Variants in NTNG2 observed in about 807,000 individuals in gnomAD.
NTNG2 encodes the protein netrin-G2.
A neutral mutation model predicts 47.6 loss-of-function variants in NTNG2; 15 were observed. The ratio of observed to expected loss-of-function variants is 0.32; its 90% CI spans 0.21 to 0.49. NTNG2 has a LOEUF of 0.49. NTNG2 is among the 20% of genes least tolerant of loss of function. The pLI is 0.99. For missense variants in NTNG2, 578 were observed against 764.6 expected (o/e 0.76, Z 2.88); for synonymous variants, 307 against 324.6 (o/e 0.95, Z 0.58).
chr9:132,181,005 G>A (rs1017797692), intron 2 of NTNG2, among the ~76,000 whole-genome samples: 1 of 152,224 alleles, frequency 6.6e-6, no homozygotes, highest in African/African-American at 2.4e-5. Context: ...GCCTGAGCAG[G>A]TTCTGCCTTC....
In NTNG2 at chr9:132,198,618, G is replaced by T. The variant is rs776554771; in HGVS notation, c.857+9G>T. On this transcript the variant is annotated intron_variant, in intron 3 of 7. Transcript: ENST00000393229. ...ATCGAGGTCATCGGCAGGTAAGGCCGGGGGAAGCCCTGGATGTCACCTGCA... is the reference window on the plus strand; with the variant it reads ...ATCGAGGTCATCGGCAGGTAAGGCCTGGGGAAGCCCTGGATGTCACCTGCA... The T allele has an allele frequency of 6.2e-7, 1 of 1,601,192 alleles. No homozygotes were observed. The highest frequency in any genetic ancestry group is 8.5e-7 in the Non-Finnish European group (1 of 1,171,248).
At chr9:132,199,673 T>C (rs1176540289) in intron 3 of NTNG2, among the ~76,000 whole-genome samples, 1 of 151,952 alleles carries the variant, frequency 6.6e-6, no homozygotes, top group Non-Finnish European at 1.5e-5. Context: ...ATAGGCTCTC[T>C]GATGTGGCCC....
At chr9:132,207,739 C>A (rs1407359524) in intron 3 of NTNG2, among the ~76,000 whole-genome samples, 1 of 152,212 alleles carries the variant, frequency 6.6e-6, no homozygotes, top group African/African-American at 2.4e-5. Flanking sequence ...GGGGCTGACG[C>A]TCCCGTAGTG....
chr9:132,178,503 G>A (rs750397705), intron 2 of NTNG2, among the ~76,000 whole-genome samples: 2 of 152,068 alleles, frequency 1.3e-5, no homozygotes, highest in South Asian at 2.1e-4. Flanking sequence ...CCCCAATGTC[G>A]ATAAGCATGT....
chr9:132,209,791 G>A (rs943713736), intron 3 of NTNG2, among the ~76,000 whole-genome samples: 3 of 151,970 alleles, frequency 2.0e-5, no homozygotes, highest in Non-Finnish European at 4.4e-5. Context: ...AAGGGGAGCA[G>A]AGAGATGGGG....
At chr9:132,213,670 A>G (rs1173345179) in intron 3 of NTNG2, among the ~76,000 whole-genome samples, 3 of 149,236 alleles carry the variant, frequency 2.0e-5, no homozygotes, top group Non-Finnish European at 3.0e-5. Context: ...TATTTTGCCC[A>G]TAACCCAGAG....
chr9:132,186,743 C>T (rs1589410641), intron 2 of NTNG2, among the ~76,000 whole-genome samples: 3 of 152,238 alleles, frequency 2.0e-5, no homozygotes, highest in Non-Finnish European at 4.4e-5. Context: ...CAAAGCGGAG[C>T]GAAGCCCGCG....
chr9:132,216,510 G>A (rs555824041), intron 3 of NTNG2, among the ~76,000 whole-genome samples: 3 of 151,192 alleles, frequency 2.0e-5, no homozygotes, highest in South Asian at 4.2e-4. Context: ...AGCTAAAGCC[G>A]TAGGATTCTG....
intron 5 of NTNG2, among the ~76,000 whole-genome samples, chr9:132,234,132 A>T (rs1490022449): frequency 7.9e-5 from 12 of 151,332 alleles, no homozygotes; most frequent in Non-Finnish European, 1.3e-4. Context: ...AGGTTCAAGC[A>T]ATTCTCCTGC....
At chr9:132,168,641 C>T (rs1180000077) in intron 2 of NTNG2, among the ~76,000 whole-genome samples, 1 of 152,094 alleles carries the variant, frequency 6.6e-6, no homozygotes, top group Non-Finnish European at 1.5e-5. Flanking sequence ...CCGGGGACCG[C>T]AGGGCCAAGC....
At chr9:132,164,181 C>T (rs1302964547) in intron 1 of NTNG2, among the ~76,000 whole-genome samples, 3 of 152,242 alleles carry the variant, frequency 2.0e-5, no homozygotes, top group Admixed American at 1.3e-4. Context: ...GTTGTAAACA[C>T]ATTTTTCCCC....
Position 132,163,291 on chromosome 9 carries a change from CCCGCGGCCCG to C in NTNG2, c.-484+1056_-484+1065del, listed in dbSNP as rs1232253034. Among the ~76,000 whole-genome samples the C allele has an allele frequency of 6.6e-6, 1 of 151,946 alleles. No individual in the cohort carries two copies. The highest frequency in any genetic ancestry group is 1.5e-5 in the Non-Finnish European group (1 of 67,926). ...GACCCTGGCCCCGGCCTCGACCCCG[CCCGCGGCCCG>C]CCGGGACCCACCCGGGAGCTGCTGC... On this transcript the variant is annotated intron_variant, in intron 1 of 7. Coordinates refer to ENST00000393229, the MANE Select transcript of NTNG2 (RefSeq NM_032536.4). The surrounding 1 kb of genome is among the most constrained non-coding windows in gnomAD (Gnocchi z 7.2).
intron 2 of NTNG2, among the ~76,000 whole-genome samples, chr9:132,188,623 A>C (rs998117308): frequency 2.0e-5 from 3 of 152,196 alleles, no homozygotes; most frequent in African/African-American, 7.2e-5. Context: ...GCCGAGGTGG[A>C]AGACATGCTC....
chr9:132,187,578 AGAGAG>A (rs1837496899), intron 2 of NTNG2, among the ~76,000 whole-genome samples: 1 of 143,220 alleles, frequency 7.0e-6, no homozygotes, highest in African/African-American at 2.5e-5. Context: ...CAAGAGAGAG[AGAGAG>A]AGAGAGAGAG....
At chr9:132,186,381 TG>T (rs1174959213) in intron 2 of NTNG2, among the ~76,000 whole-genome samples, 1 of 152,198 alleles carries the variant, frequency 6.6e-6, no homozygotes, top group Non-Finnish European at 1.5e-5. Flanking sequence ...AAGCAGAATG[TG>T]TCCTTTAAGA....
chr9:132,196,333 G>A (rs1280058212), intron 2 of NTNG2, among the ~76,000 whole-genome samples: 2 of 152,216 alleles, frequency 1.3e-5, no homozygotes, highest in Non-Finnish European at 2.9e-5. Flanking sequence ...TGGGATTACA[G>A]GCATGCACCA....
intron 3 of NTNG2, among the ~76,000 whole-genome samples, chr9:132,205,187 G>C (rs549519949): frequency 6.6e-6 from 1 of 152,284 alleles, no homozygotes; most frequent in East Asian, 1.9e-4. Context: ...TTTATTCAGA[G>C]TAGTCAAAAG....
At position 132,230,228 on chromosome 9, in the gene NTNG2, TAAG is replaced by T. The variant is rs915671635; in HGVS notation, c.1031-342_1031-340del. On this transcript the variant is annotated intron_variant, in intron 4 of 7. Transcript: ENST00000393229. Reference sequence around the variant, plus strand: ...CACTGGAGGGCCCAAAAATCTGAAATAAGAGGAGGAGTGCGTGTGAAGCTCCCA... The same window carrying T: ...CACTGGAGGGCCCAAAAATCTGAAATAGGAGGAGTGCGTGTGAAGCTCCCA... Among the ~76,000 whole-genome samples the T allele has an allele frequency of 9.9e-5, 15 of 152,256 alleles. No individual in the cohort carries two copies. In the East Asian group the frequency reaches 1.2e-3, roughly 12 times the overall value.
At chr9:132,193,497 T>C (rs1589429890) in intron 2 of NTNG2, among the ~76,000 whole-genome samples, 1 of 151,858 alleles carries the variant, frequency 6.6e-6, no homozygotes. Context: ...GGCTCTGAGG[T>C]GGGAGGGGAC....
Sources: gnomAD v4.1 joint callset for allele counts (sites outside exome capture counted in the v4.1 genomes callset) on GRCh38, gnomAD v4.1.1 for gene constraint, Gnocchi (gnomAD v3.1) non-coding constraint, MANE v1.5 for transcripts, NCBI Gene and HGNC (gene_info 2026-07-23, HGNC 2026-07-21) for gene names.